Variants in PDS5A observed in about 807,000 individuals in gnomAD.
PDS5A encodes the protein PDS5 cohesin associated factor A.
A neutral mutation model predicts 167.1 loss-of-function variants in PDS5A; 42 were observed. That is an observed-to-expected ratio of 0.25 (90% CI 0.20 to 0.33). The LOEUF is 0.33. PDS5A is among the 10% of genes least tolerant of loss of function. The pLI, the probability that PDS5A is intolerant of heterozygous loss-of-function variation, is 1.00. For synonymous variants in PDS5A, 553 were observed against 554.6 expected, an observed-to-expected ratio of 1.00 and a Z score of 0.04; for missense variants, 1,033 against 1,605.9, an observed-to-expected ratio of 0.64 and a Z score of 6.10.
intron 2 of PDS5A, among the ~76,000 whole-genome samples, chr4:39,956,195 A>G (rs1281561677): frequency 6.6e-6 from 1 of 152,162 alleles, no homozygotes; most frequent in Non-Finnish European, 1.5e-5. Context: ...AGTGGATTAC[A>G]GTATTAAACA....
rs1346928018 is a variant in PDS5A at position 39,929,519 on chromosome 4, C to CTCTATATATATA, written c.139-1356_139-1355insTATATATATAGA. On this transcript the variant is annotated intron_variant, in intron 2 of 32. Coordinates refer to ENST00000303538, the MANE Select transcript of PDS5A (RefSeq NM_001100399.2). ...GCCTTGTGAGTTAATACTTAATAAA[C>CTCTATATATATA]TATATATATATATATATATATATAT... is the stretch of plus-strand genomic sequence containing the variant. Among the ~76,000 whole-genome samples, 226 of 79,380 alleles carry CTCTATATATATA rather than the reference C, an allele frequency of 2.8e-3. 7 individuals carry two copies. The highest frequency in any genetic ancestry group is 9.1e-3 in the African/African-American group (104 of 11,426). 52.1% of individuals were successfully genotyped at this position (79,380 alleles called of 152,430 possible).
At chr4:39,867,256 T>TC (rs1488199303) in intron 22 of PDS5A, among the ~76,000 whole-genome samples, 1 of 151,994 alleles carries the variant, frequency 6.6e-6, no homozygotes. Flanking sequence ...TTTTTTTTTT[T>TC]CCAACAGATA....
chr4:39,958,237 T>C (rs966725340), intron 2 of PDS5A, among the ~76,000 whole-genome samples: 1 of 151,948 alleles, frequency 6.6e-6, no homozygotes, highest in Non-Finnish European at 1.5e-5. Flanking sequence ...CCAGGCATGG[T>C]GGTTCACACC....
chr4:39,901,088 A>G (rs888538462), intron 13 of PDS5A, among the ~76,000 whole-genome samples: 12 of 152,146 alleles, frequency 7.9e-5, no homozygotes, highest in Non-Finnish European at 1.5e-4. Context: ...AATCCCATCC[A>G]TATTTCCAGG....
intron 21 of PDS5A, 49 bp downstream of exon 21, chr4:39,872,936 TA>T: frequency 2.8e-6 from 3 of 1,053,110 alleles, no homozygotes; most frequent in Non-Finnish European, 3.9e-6. Context: ...GATGAAGATG[TA>T]AACAGCCTTA....
chr4:39,864,294 G>A (rs1719243356), intron 23 of PDS5A, among the ~76,000 whole-genome samples: 1 of 152,068 alleles, frequency 6.6e-6, no homozygotes, highest in Non-Finnish European at 1.5e-5. Context: ...CTGCAGTTAA[G>A]AGTGAAGAAG....
At chr4:39,892,760 A>G (rs912551263) in intron 16 of PDS5A, among the ~76,000 whole-genome samples, 2 of 152,254 alleles carry the variant, frequency 1.3e-5, no homozygotes, top group African/African-American at 4.8e-5. Context: ...TAGGTAGAGG[A>G]GGGTTTTTAA....
chr4:39,907,590 CTTTTTTT>C (rs71194936), intron 11 of PDS5A, among the ~76,000 whole-genome samples: 5 of 141,752 alleles, frequency 3.5e-5, no homozygotes, highest in Non-Finnish European at 6.1e-5. Context: ...CTTTTCTTTT[CTTTTTTT>C]TTTTTTTGAG....
chr4:39,936,831 T>C (rs527593944), intron 2 of PDS5A: 1 of 152,262 alleles, frequency 6.6e-6, no homozygotes, highest in Admixed American at 6.5e-5. Flanking sequence ...GGTAGATCAC[T>C]GGGGAATACC....
rs1731271710 is a variant in PDS5A at position 39,977,806 on chromosome 4, C to T, written c.-390G>A. The T allele has an allele frequency of 6.7e-6, 1 of 149,562 alleles. No individual in the cohort carries two copies. Among genetic ancestry groups the T allele is most frequent in the South Asian group, 2.1e-4 (1 of 4,836 alleles). The allele number at this position is 149,562 out of a possible 1,614,324, so 9.3% of individuals were successfully genotyped here. ...CTCGCGCCGGCCCGGACCGCCGACTCGGACCCGGACGCCCCTCGCAGAGGC... is the reference window on the plus strand; with the variant it reads ...CTCGCGCCGGCCCGGACCGCCGACTTGGACCCGGACGCCCCTCGCAGAGGC... On this transcript the variant is annotated 5_prime_UTR_variant, in exon 1 of 33. Coordinates refer to ENST00000303538, the MANE Select transcript of PDS5A (RefSeq NM_001100399.2). The surrounding 1 kb of genome is among the most constrained non-coding windows in gnomAD (Gnocchi z 4.2).
chr4:39,895,304 T>G (rs1031484320), intron 16 of PDS5A, among the ~76,000 whole-genome samples: 5 of 152,106 alleles, frequency 3.3e-5, no homozygotes, highest in African/African-American at 1.2e-4. Context: ...GCGTACTACT[T>G]CTATGCTACA....
chr4:39,934,605 CTT>C (rs955582839), intron 2 of PDS5A, among the ~76,000 whole-genome samples: 3 of 109,226 alleles, frequency 2.7e-5, no homozygotes, highest in African/African-American at 9.9e-5. Context: ...CTTAGTATTT[CTT>C]TTTTTTTCTT....
chr4:39,926,890 G>C (rs1398820279), intron 3 of PDS5A, 29 bp from the exon 4 acceptor site: 1 of 1,362,248 alleles, frequency 7.3e-7, no homozygotes, highest in Non-Finnish European at 9.6e-7. Context: ...CATTAATTTA[G>C]ACACAAATAC....
intron 16 of PDS5A, among the ~76,000 whole-genome samples, chr4:39,893,513 T>C (rs1012636176): frequency 6.6e-6 from 1 of 152,146 alleles, no homozygotes; most frequent in African/African-American, 2.4e-5. Context: ...TAGTGACAAA[T>C]ACGCATTAGG....
In PDS5A at chr4:39,902,477, A is replaced by C. The variant is rs1362571101; in HGVS notation, c.1386-17T>G. On this transcript the variant is annotated splice_polypyrimidine_tract_variant and intron_variant, in intron 12 of 32. Coordinates refer to ENST00000303538, the MANE Select transcript of PDS5A (RefSeq NM_001100399.2). ...ACCAACAGTCTAGGAAATAACAACA[A>C]CAAAAAAAACCTAAGTGACACAATT... 3.2e-6 allele frequency: 4 copies of C among 1,248,198 alleles called. No homozygotes were observed. The highest frequency in any genetic ancestry group is 4.6e-6 in the Non-Finnish European group (4 of 878,342). The allele number at this position is 1,248,198 out of a possible 1,614,324, so 77.3% of individuals were successfully genotyped here.
chr4:39,896,395 T>C (rs1390321321), intron 16 of PDS5A, among the ~76,000 whole-genome samples: 1 of 151,040 alleles, frequency 6.6e-6, no homozygotes, highest in African/African-American at 2.4e-5. Context: ...AACACTTAGC[T>C]TAAAACACAT....
At chr4:39,843,459 C>T (rs1311316750) in intron 30 of PDS5A, among the ~76,000 whole-genome samples, 3 of 152,192 alleles carry the variant, frequency 2.0e-5, no homozygotes, top group East Asian at 1.9e-4. Context: ...TTGGGCCAGG[C>T]GTGATGGTTC....
chr4:39,869,291 C>T (rs1719816756), intron 22 of PDS5A, 103 bp downstream of exon 22: 14 of 774,136 alleles, frequency 1.8e-5, no homozygotes, highest in Non-Finnish European at 3.0e-5. Context: ...AGCAACACAG[C>T]AAGATCCCAT....
At chr4:39,895,156 C>T (rs760414298) in intron 16 of PDS5A, among the ~76,000 whole-genome samples, 6 of 142,584 alleles carry the variant, frequency 4.2e-5, no homozygotes, top group South Asian at 2.3e-4. Context: ...GAGCCAAGAT[C>T]GCGCCACTGC....
Sources: allele counts gnomAD v4.1 joint callset (sites outside exome capture counted in the v4.1 genomes callset), GRCh38; gene constraint gnomAD v4.1.1; non-coding constraint Gnocchi (gnomAD v3.1); transcripts MANE v1.5; gene names NCBI Gene and HGNC (gene_info 2026-07-23, HGNC 2026-07-21).